Variants in ATRX observed in about 807,000 individuals in gnomAD.
ATRX encodes ATRX chromatin remodeler, also known as chromatin remodeler ATRX.
A neutral mutation model predicts 172.6 loss-of-function variants in ATRX; 12 were observed. That is an observed-to-expected ratio of 0.07 (90% CI 0.04 to 0.11). The LOEUF (loss-of-function observed/expected upper bound fraction) is 0.11. ATRX is among the 10% of genes least tolerant of loss of function. The pLI, the probability that ATRX is intolerant of heterozygous loss-of-function variation, is 1.00. For missense variants in ATRX, 1,368 were observed against 1,767.4 expected, an observed-to-expected ratio of 0.77 and a Z score of 4.05; for synonymous variants, 674 against 594.7, an observed-to-expected ratio of 1.13 and a Z score of -1.94.
intron 1 of ATRX, among the ~76,000 whole-genome samples, chrX:77,719,776 A>C (rs2073648394): frequency 9.0e-6 from 1 of 111,504 alleles, no homozygotes; most frequent in Admixed American, 9.6e-5. Flanking sequence ...CAGACCGACA[A>C]GACGGAAAAT....
rs897026521 is a variant in ATRX, at chrX:77,550,404, C to A, written c.6699+7047G>T. On this transcript the variant is annotated intron_variant, in intron 30 of 34. Coordinates refer to ENST00000373344, the MANE Select transcript of ATRX (RefSeq NM_000489.6). ...CAATAGATGCAGAAAAGGCCTTTGA[C>A]AAAATTCAACAACCTTCATGCTAAA... 7.2e-5 allele frequency among the ~76,000 whole-genome samples: 8 copies of A among 111,674 alleles called. No homozygotes were observed. The South Asian group carries it at 2.6e-3, about 37-fold the overall frequency.
At chrX:77,658,902 G>A (rs2148468943) in intron 12 of ATRX, among the ~76,000 whole-genome samples, 1 of 111,738 alleles carries the variant, frequency 8.9e-6, no homozygotes, top group East Asian at 2.8e-4. Flanking sequence ...TGTAAATCAA[G>A]AATTGTTTCA....
At chrX:77,574,005 A>G (rs1396473826) in intron 28 of ATRX, among the ~76,000 whole-genome samples, 1 of 111,012 alleles carries the variant, frequency 9.0e-6, no homozygotes, top group East Asian at 2.8e-4. Context: ...TTATTGGTAT[A>G]TGCAACAATG....
chrX:77,685,254 C>T (rs181102141), intron 7 of ATRX, among the ~76,000 whole-genome samples: 5 of 111,414 alleles, frequency 4.5e-5, no homozygotes, highest in Admixed American at 3.8e-4. Flanking sequence ...AAAAGACAAC[C>T]CACAGAATGG....
rs1262904664 is a variant in ATRX, at chrX:77,738,350, C to A, written c.21-21107G>T. Among the ~76,000 whole-genome samples the A allele has an allele frequency of 2.2e-4, 22 of 102,151 alleles. No individual in the cohort carries two copies. In the South Asian group the frequency reaches 2.2e-3, roughly 10 times the overall value. 88.7% of individuals were successfully genotyped at this position (102,151 alleles called of 115,157 possible). A position where few individuals can be genotyped will look rare whatever the true frequency, so the allele number is the denominator to read the frequency against. ...ACCCTGTCTCCAAAAAAAAAAAAAA[C>A]AATAAATAATAATAATAATAATTTT... On this transcript the variant is annotated intron_variant, in intron 1 of 34. Transcript: ENST00000373344.
chrX:77,514,484 T>C (rs1361177830), intron 34 of ATRX, among the ~76,000 whole-genome samples: 2 of 111,078 alleles, frequency 1.8e-5, no homozygotes, highest in South Asian at 3.8e-4. Context: ...TTTGACAAAG[T>C]TGACAAAAAC....
At chrX:77,608,536 C>T (rs189642432) in intron 22 of ATRX, among the ~76,000 whole-genome samples, 109 of 110,906 alleles carry the variant, frequency 9.8e-4, no homozygotes, top group African/African-American at 1.6e-3. Context: ...GATATCCATA[C>T]GCAGAAGAAT....
chrX:77,677,438 C>A (rs2070938481), intron 9 of ATRX, among the ~76,000 whole-genome samples: 1 of 111,459 alleles, frequency 9.0e-6, no homozygotes, highest in Non-Finnish European at 1.9e-5. Flanking sequence ...CACAAGGGAG[C>A]CTTGTGATAA....
chrX:77,646,218 G>C (rs940987110), intron 15 of ATRX, among the ~76,000 whole-genome samples: 6 of 111,346 alleles, frequency 5.4e-5, no homozygotes, highest in Admixed American at 4.8e-4. Flanking sequence ...ATCTAAAAAA[G>C]GTTCGCTTTA....
At chrX:77,656,510 A>G in intron 13 of ATRX, 50 bp downstream of exon 13, 1 of 935,889 alleles carries the variant, frequency 1.1e-6, no homozygotes, top group Admixed American at 2.2e-5. Flanking sequence ...ATTTGAAGGC[A>G]TGGTCATTCA....
intron 1 of ATRX, among the ~76,000 whole-genome samples, chrX:77,762,900 C>T (rs1186880442): frequency 9.1e-6 from 1 of 110,431 alleles, no homozygotes; most frequent in Admixed American, 9.7e-5. Flanking sequence ...TGTACTGGCA[C>T]CAGAAGAAAA....
chrX:77,632,691 A>G (rs1410089490), intron 19 of ATRX, among the ~76,000 whole-genome samples: 1 of 112,321 alleles, frequency 8.9e-6, no homozygotes, highest in Non-Finnish European at 1.9e-5. Context: ...AGACAGTACA[A>G]CGTGTTGCTT....
intron 2 of ATRX, among the ~76,000 whole-genome samples, chrX:77,714,985 C>T (rs782397691): frequency 1.8e-5 from 2 of 111,700 alleles, no homozygotes; most frequent in South Asian, 3.7e-4. Context: ...TTTGGTGTTG[C>T]CATTTCAAAT....
At chrX:77,517,030 G>C (rs782125992) in intron 34 of ATRX, among the ~76,000 whole-genome samples, 2 of 109,037 alleles carry the variant, frequency 1.8e-5, no homozygotes, top group African/African-American at 6.7e-5. Context: ...TTCTTAAAAC[G>C]AATGATAAAG....
chrX:77,536,019 T>C (rs898997885), intron 30 of ATRX, among the ~76,000 whole-genome samples: 43 of 108,588 alleles, frequency 4.0e-4, no homozygotes, highest in African/African-American at 1.4e-3. Context: ...GGATTACAGG[T>C]GTGAGCCACC....
intron 1 of ATRX, among the ~76,000 whole-genome samples, chrX:77,720,490 G>A (rs782126082): frequency 1.8e-5 from 2 of 110,708 alleles, no homozygotes; most frequent in African/African-American, 3.3e-5. Context: ...ATGATAAAGG[G>A]GATATCACCA....
intron 30 of ATRX, among the ~76,000 whole-genome samples, chrX:77,554,944 A>T (rs988887132): frequency 1.8e-4 from 20 of 112,235 alleles, no homozygotes; most frequent in African/African-American, 6.2e-4. Flanking sequence ...ACTTTTTTTT[A>T]AAAAGCAGGC....
intron 1 of ATRX, among the ~76,000 whole-genome samples, chrX:77,730,341 G>C (rs1348568207): frequency 8.9e-6 from 1 of 111,999 alleles, no homozygotes; most frequent in African/African-American, 3.2e-5. Context: ...CATATATAAA[G>C]CAAGTATTAT....
chrX:77,602,958 G>T (rs2148171999), intron 22 of ATRX, among the ~76,000 whole-genome samples: 1 of 110,774 alleles, frequency 9.0e-6, no homozygotes, highest in African/African-American at 3.3e-5. Flanking sequence ...AGGGGGAAAA[G>T]TTGTTTTTTT....
Sources: allele counts gnomAD v4.1 joint callset (sites outside exome capture counted in the v4.1 genomes callset), GRCh38; gene constraint gnomAD v4.1.1; transcripts MANE v1.5; gene names NCBI Gene and HGNC (gene_info 2026-07-23, HGNC 2026-07-21).